Variants in OTOP1 observed in about 807,000 individuals in gnomAD.
OTOP1 encodes the protein otopetrin 1, also known as proton channel OTOP1.
A neutral mutation model predicts 52.9 loss-of-function variants in OTOP1; 59 were observed. The ratio of observed to expected loss-of-function variants is 1.12; its 90% CI spans 0.91 to 1.39. The LOEUF (loss-of-function observed/expected upper bound fraction) is 1.39. Ranked by LOEUF, OTOP1 falls within the 40% of genes most tolerant of loss-of-function variation. The pLI is 0.00. For synonymous variants in OTOP1, 317 were observed against 337.7 expected, an observed-to-expected ratio of 0.94 and a Z score of 0.67; for missense variants, 761 against 800.9, an observed-to-expected ratio of 0.95 and a Z score of 0.60.
At chr4:4,196,433 T>C (rs528836151) in intron 5 of OTOP1, among the ~76,000 whole-genome samples, 1 of 152,330 alleles carries the variant, frequency 6.6e-6, no homozygotes, top group African/African-American at 2.4e-5. Flanking sequence ...GGCAGGTGCC[T>C]GTAATCCCAG....
intron 3 of OTOP1, 44 bp from the exon 4 acceptor site, chr4:4,202,622 C>T: frequency 1.9e-6 from 3 of 1,607,798 alleles, no homozygotes; most frequent in Admixed American, 1.7e-5. Flanking sequence ...CCTGGGAGAG[C>T]CTCAGGCACC....
Position 4,197,355 on chromosome 4 carries a change from C to G in OTOP1, c.1479G>C (p.Lys493Asn), listed in dbSNP as rs775532058. 6.2e-7 allele frequency: 1 copy of G among 1,614,074 alleles called. No homozygotes were observed. The change falls in exon 5 of 6, where the codon AAG becomes AAC. Residue 493 changes from lysine (K) to asparagine (N), a missense_variant. Physicochemically the swap from Lys to Asn is moderately conservative, Grantham distance 94. Transcript: ENST00000296358. ...TTCCATTGGCTGCTGGTGGCATGTCCTTGCCCTGGGGAGCCACATCTCTGG... is the reference window on the plus strand; with the variant it reads ...TTCCATTGGCTGCTGGTGGCATGTCGTTGCCCTGGGGAGCCACATCTCTGG... ...GVARDVAPQG[K>N]DMPPAANGNV...
At position 4,219,472 on chromosome 4, in the gene OTOP1, C is replaced by A. The variant is rs185616444; in HGVS notation, c.404-6468G>T. On this transcript the variant is annotated intron_variant, in intron 1 of 5. Coordinates refer to ENST00000296358, the MANE Select transcript of OTOP1 (RefSeq NM_177998.3). Reference sequence around the variant, plus strand: ...ATCCCAGCACTTTGGGAGGCCGAGGCGGGCGGATCAGGATGTCGGGAGATC... The same window carrying A: ...ATCCCAGCACTTTGGGAGGCCGAGGAGGGCGGATCAGGATGTCGGGAGATC... Among the ~76,000 whole-genome samples the A allele has an allele frequency of 1.1e-4, 16 of 151,886 alleles. 1 individual carries two copies. The highest frequency in any genetic ancestry group is 3.9e-4 in the African/African-American group (16 of 41,464).
intron 2 of OTOP1, among the ~76,000 whole-genome samples, chr4:4,207,995 G>T (rs771502612): frequency 2.6e-5 from 4 of 152,150 alleles, no homozygotes; most frequent in Non-Finnish European, 5.9e-5. Context: ...CATGTGAGAG[G>T]GGGTAGAGGA....
In OTOP1 at chr4:4,197,508, G is replaced by A. The variant is rs1178184130; in HGVS notation, c.1326C>T (p.Phe442=). The A allele has an allele frequency of 6.2e-7, 1 of 1,613,986 alleles. No homozygotes were observed. Among genetic ancestry groups the A allele is most frequent in the Non-Finnish European group, 8.5e-7 (1 of 1,180,004 alleles). Residue 442 remains phenylalanine (F), a synonymous_variant, in exon 5 of 6, where the codon TTC becomes TTT. Transcript: ENST00000296358. ...AIVEKYIQNL[F]IFESIHREPE... ...GCTCTCGGTGAATGGATTCAAAGAT[G>A]AAGAGGTTCTGGATGTACTTCTCCA...
At chr4:4,199,584 T>C (rs1716733955) in intron 4 of OTOP1, among the ~76,000 whole-genome samples, 1 of 152,130 alleles carries the variant, frequency 6.6e-6, no homozygotes, top group Non-Finnish European at 1.5e-5. Context: ...GGCTAATTTT[T>C]ACATTTTTTG....
intron 2 of OTOP1, among the ~76,000 whole-genome samples, chr4:4,210,559 G>A (rs1272344771): frequency 6.6e-6 from 1 of 152,122 alleles, no homozygotes; most frequent in Non-Finnish European, 1.5e-5. Flanking sequence ...GGCCAGACGC[G>A]GTGCCTCAGG....
intron 1 of OTOP1, among the ~76,000 whole-genome samples, chr4:4,225,917 G>A (rs1237488904): frequency 6.6e-6 from 1 of 152,198 alleles, no homozygotes; most frequent in South Asian, 2.1e-4. Flanking sequence ...GGGGAGAATG[G>A]GGTGAGGCCT....
chr4:4,200,466 C>T (rs1716757602), intron 4 of OTOP1, among the ~76,000 whole-genome samples: 1 of 107,312 alleles, frequency 9.3e-6, no homozygotes, highest in Admixed American at 9.1e-5. Context: ...ACGAGCGAGA[C>T]TCCGTCTAAA....
chr4:4,207,874 T>C (rs1716940770), intron 2 of OTOP1, among the ~76,000 whole-genome samples: 1 of 152,226 alleles, frequency 6.6e-6, no homozygotes, highest in South Asian at 2.1e-4. Flanking sequence ...GCTTCAATAT[T>C]TTAAAGAGAA....
chr4:4,210,910 A>C (rs1717011460), intron 2 of OTOP1, among the ~76,000 whole-genome samples: 1 of 152,110 alleles, frequency 6.6e-6, no homozygotes, highest in Non-Finnish European at 1.5e-5. Flanking sequence ...TTTCCTCTAA[A>C]CGACCCCATC....
intron 5 of OTOP1, among the ~76,000 whole-genome samples, chr4:4,194,656 G>A (rs2980119): frequency 0.6 from 90,841 of 151,736 alleles, 28,553 homozygotes; most frequent in South Asian, 0.76. Context: ...AGGGGAGGAA[G>A]CCCAAAAGCC....
At chr4:4,225,582 A>AAAAAAG in intron 1 of OTOP1, among the ~76,000 whole-genome samples, 1 of 151,682 alleles carries the variant, frequency 6.6e-6, no homozygotes, top group South Asian at 2.1e-4. Context: ...AAAAAAAAAA[A>AAAAAAG]ATGTGGCAGC....
intron 1 of OTOP1, among the ~76,000 whole-genome samples, chr4:4,214,302 A>T (rs767062693): frequency 1.2e-4 from 18 of 152,198 alleles, no homozygotes; most frequent in Non-Finnish European, 2.9e-5. Context: ...AGAAAATAAT[A>T]GAAAATAGCA....
chr4:4,209,202 G>C (rs574832102), intron 2 of OTOP1, among the ~76,000 whole-genome samples: 1 of 152,252 alleles, frequency 6.6e-6, no homozygotes, highest in African/African-American at 2.4e-5. Flanking sequence ...TGCTTTCCCA[G>C]GCCTATTTTG....
intron 5 of OTOP1, among the ~76,000 whole-genome samples, chr4:4,194,815 G>A (rs527854820): frequency 1.2e-4 from 19 of 152,176 alleles, no homozygotes; most frequent in Non-Finnish European, 2.4e-4. Context: ...GACTCATGCG[G>A]TGGCAAAGGC....
At chr4:4,224,892 G>C (rs1220533787) in intron 1 of OTOP1, among the ~76,000 whole-genome samples, 1 of 152,212 alleles carries the variant, frequency 6.6e-6, no homozygotes, top group African/African-American at 2.4e-5. Context: ...TGTGAAGAAG[G>C]TGGCATCTGG....
intron 1 of OTOP1, among the ~76,000 whole-genome samples, chr4:4,214,886 A>G (rs1222724650): frequency 1.3e-5 from 2 of 152,232 alleles, no homozygotes; most frequent in Non-Finnish European, 2.9e-5. Flanking sequence ...ACAAAAGTGT[A>G]TATGTTCTTA....
At chr4:4,198,690 G>A (rs1331074748) in intron 4 of OTOP1, among the ~76,000 whole-genome samples, 5 of 152,120 alleles carry the variant, frequency 3.3e-5, no homozygotes, top group South Asian at 2.1e-4. Flanking sequence ...GTCCGATATC[G>A]GTGCGGGGAA....
Sources: gnomAD v4.1 joint callset for allele counts (sites outside exome capture counted in the v4.1 genomes callset) on GRCh38, gnomAD v4.1.1 for gene constraint, MANE v1.5 for transcripts, NCBI Gene and HGNC (gene_info 2026-07-23, HGNC 2026-07-21) for gene names.